Variants in SGCZ observed in about 807,000 individuals in gnomAD.
The protein encoded by SGCZ is zeta-sarcoglycan.
In SGCZ, 40 loss-of-function variants were observed where a neutral mutation model predicts 41.3. The ratio of observed to expected loss-of-function variants is 0.97; its 90% CI spans 0.75 to 1.26. The LOEUF (loss-of-function observed/expected upper bound fraction) is 1.26, where lower values mean the gene tolerates loss of function less well. Among genes scored for constraint, SGCZ ranks in the 50% most tolerant of loss-of-function variants. SGCZ has a pLI of 0.00. For missense variants in SGCZ, 552 were observed against 369.8 expected (o/e 1.49, Z -4.04); for synonymous variants, 206 against 137.5 (o/e 1.50, Z -3.49).
intron 1 of SGCZ, among the ~76,000 whole-genome samples, chr8:14,595,784 G>A (rs1696386008): frequency 6.6e-6 from 1 of 152,154 alleles, no homozygotes; most frequent in African/African-American, 2.4e-5. Context: ...AAACACGGGT[G>A]CTGCCTTATT....
intron 6 of SGCZ, among the ~76,000 whole-genome samples, chr8:14,103,141 T>C (rs1468450565): frequency 1.3e-5 from 2 of 151,834 alleles, no homozygotes; most frequent in African/African-American, 4.8e-5. Context: ...GAAAAATCAA[T>C]AGGAGGGTAA....
At chr8:14,349,603 G>A (rs1483621925) in intron 2 of SGCZ, among the ~76,000 whole-genome samples, 1 of 152,062 alleles carries the variant, frequency 6.6e-6, no homozygotes, top group Non-Finnish European at 1.5e-5. Flanking sequence ...CCTAGTGGAG[G>A]ACAGATTAAC....
At chr8:15,143,652 A>G (rs1798960464) in intron 1 of SGCZ, among the ~76,000 whole-genome samples, 1 of 152,232 alleles carries the variant, frequency 6.6e-6, no homozygotes, top group African/African-American at 2.4e-5. Context: ...GTCTGACACT[A>G]GGAGAATTAA....
chr8:14,244,023 G>A (rs970723522), intron 3 of SGCZ, among the ~76,000 whole-genome samples: 1 of 152,114 alleles, frequency 6.6e-6, no homozygotes, highest in African/African-American at 2.4e-5. Flanking sequence ...TTCAATAAAT[G>A]CATGTTGAAT....
At chr8:14,426,504 A>T (rs546441780) in intron 2 of SGCZ, among the ~76,000 whole-genome samples, 47 of 148,448 alleles carry the variant, frequency 3.2e-4, no homozygotes, top group African/African-American at 1.2e-3. Flanking sequence ...GCAAGCAGAA[A>T]ACACATAAAA....
chr8:14,492,977 T>C (rs943224396), intron 2 of SGCZ, among the ~76,000 whole-genome samples: 2 of 152,168 alleles, frequency 1.3e-5, no homozygotes, highest in African/African-American at 4.8e-5. Context: ...ATTGCTATCA[T>C]GGGATCTAAC....
intron 2 of SGCZ, among the ~76,000 whole-genome samples, chr8:14,480,073 C>T (rs932266718): frequency 6.6e-6 from 1 of 152,158 alleles, no homozygotes; most frequent in Admixed American, 6.5e-5. Context: ...CTGTTTATTT[C>T]TAACCATTTG....
chr8:14,187,877 A>G (rs974119155), intron 4 of SGCZ, among the ~76,000 whole-genome samples: 2 of 152,306 alleles, frequency 1.3e-5, no homozygotes, highest in African/African-American at 4.8e-5. Context: ...AGAGACCCAC[A>G]CATGGATGCA....
intron 4 of SGCZ, among the ~76,000 whole-genome samples, chr8:14,218,769 A>C (rs1806087439): frequency 6.6e-6 from 1 of 152,234 alleles, no homozygotes; most frequent in Non-Finnish European, 1.5e-5. Context: ...GACAACTCAC[A>C]ACATCAACAA....
intron 1 of SGCZ, among the ~76,000 whole-genome samples, chr8:15,126,983 C>T (rs1371346360): frequency 6.6e-6 from 1 of 152,126 alleles, no homozygotes; most frequent in African/African-American, 2.4e-5. Context: ...CTTTGACGTC[C>T]ATGCACGTGT....
intron 1 of SGCZ, among the ~76,000 whole-genome samples, chr8:14,860,617 CAG>C (rs541823810): frequency 7.6e-4 from 97 of 127,760 alleles, no homozygotes; most frequent in African/African-American, 2.6e-3. Flanking sequence ...AAAGACAAGA[CAG>C]AGAAAAAGAC....
intron 1 of SGCZ, among the ~76,000 whole-genome samples, chr8:14,765,068 G>C (rs142017314): frequency 3.9e-5 from 6 of 152,262 alleles, no homozygotes; most frequent in African/African-American, 1.2e-4. Context: ...TATGTGCCAA[G>C]TACCTAAGAG....
At chr8:15,075,318 T>G in intron 1 of SGCZ, among the ~76,000 whole-genome samples, 1 of 152,166 alleles carries the variant, frequency 6.6e-6, no homozygotes, top group Non-Finnish European at 1.5e-5. Flanking sequence ...TCTAAATAAT[T>G]TAGACATAGA....
rs1385955454 is a variant in SGCZ at position 14,085,661 on chromosome 8, T to C, written c.*4782A>G. Among the ~76,000 whole-genome samples the C allele has an allele frequency of 2.6e-5, 4 of 151,920 alleles. No homozygotes were observed. In the East Asian group the frequency reaches 7.8e-4, roughly 30 times the overall value. On this transcript the variant is annotated 3_prime_UTR_variant, in exon 8 of 8. Transcript: ENST00000382080. Reference sequence around the variant, plus strand: ...GAAACTCAGCTGAGGAGATCCATGCTGGGCCCATTTTGGGATACGGTCTTT... The same window carrying C: ...GAAACTCAGCTGAGGAGATCCATGCCGGGCCCATTTTGGGATACGGTCTTT...
chr8:14,244,624 G>C (rs1478345534), intron 3 of SGCZ, among the ~76,000 whole-genome samples: 1 of 151,280 alleles, frequency 6.6e-6, no homozygotes, highest in Non-Finnish European at 1.5e-5. Flanking sequence ...TTCCAATTCT[G>C]TGCAGAAAGG....
chr8:14,987,499 T>C (rs1801862911), intron 1 of SGCZ, among the ~76,000 whole-genome samples: 1 of 152,026 alleles, frequency 6.6e-6, no homozygotes, highest in Non-Finnish European at 1.5e-5. Flanking sequence ...CTCACTGTAT[T>C]AAGCAAATAC....
intron 2 of SGCZ, among the ~76,000 whole-genome samples, chr8:14,497,404 C>G (rs1254984886): frequency 6.6e-6 from 1 of 152,132 alleles, no homozygotes; most frequent in Non-Finnish European, 1.5e-5. Context: ...CAAGAACTCA[C>G]TTACCACTAA....
intron 1 of SGCZ, among the ~76,000 whole-genome samples, chr8:15,110,876 G>A (rs1807023322): frequency 6.6e-6 from 1 of 152,146 alleles, no homozygotes; most frequent in Non-Finnish European, 1.5e-5. Flanking sequence ...GCTGAGGCAG[G>A]AGAATCACTT....
chr8:14,944,887 T>A (rs1800390085), intron 1 of SGCZ, among the ~76,000 whole-genome samples: 1 of 152,286 alleles, frequency 6.6e-6, no homozygotes, highest in South Asian at 2.1e-4. Flanking sequence ...GACAATTATC[T>A]AAATCTCCAC....
Sources: gnomAD v4.1 joint callset for allele counts (sites outside exome capture counted in the v4.1 genomes callset) on GRCh38, gnomAD v4.1.1 for gene constraint, MANE v1.5 for transcripts, NCBI Gene and HGNC (gene_info 2026-07-23, HGNC 2026-07-21) for gene names.